The following LLCFC1 variants were observed in gnomAD, a reference collection of about 807,000 sequenced individuals.
LLCFC1 encodes sperm-oocyte fusion factor 1, also known as sperm-egg fusion protein LLCFC1.
In LLCFC1, 14 loss-of-function variants were observed where a neutral mutation model predicts 9.8. That is an observed-to-expected ratio of 1.43 (90% CI 0.95 to 2.24). LLCFC1 has a LOEUF of 2.24. Ranked by LOEUF, LLCFC1 falls within the 30% of genes most tolerant of loss-of-function variation. The pLI is 0.00. For missense variants in LLCFC1, 162 were observed against 148.0 expected (o/e 1.09, Z -0.49); for synonymous variants, 70 against 58.8 (o/e 1.19, Z -0.87).
chr7:142,940,602 T>C lies in LLCFC1; in HGVS notation c.*15T>C. On this transcript the variant is annotated 3_prime_UTR_variant, in exon 2 of 2. Coordinates refer to ENST00000409607, the MANE Select transcript of LLCFC1 (RefSeq NM_001382496.1). ...TCACTCACTGACCCTCCCTCCCTCCTGGGCTCCAGGTCACAACTCCCAAAG... is the reference window on the plus strand; with the variant it reads ...TCACTCACTGACCCTCCCTCCCTCCCGGGCTCCAGGTCACAACTCCCAAAG... The C allele has an allele frequency of 6.2e-7, 1 of 1,604,668 alleles. No individual in the cohort carries two copies. The highest frequency in any genetic ancestry group is 8.5e-7 in the Non-Finnish European group (1 of 1,171,518).
rs1796318812 is a variant in LLCFC1 at position 142,940,488 on chromosome 7, C to T, written c.270C>T (p.Leu90=). The change falls in exon 2 of 2, where the codon CTC becomes CTT. Residue 90 remains leucine, a synonymous_variant. Transcript: ENST00000409607. ...TAAVHKHSFH[L]SFCFSLASVM... is the part of the protein sequence containing the mutation. ...CTGTTCACAAGCACTCTTTCCACCTCAGCTTCTGCTTTAGTCTGGCCAGTG... is the reference window on the plus strand; with the variant it reads ...CTGTTCACAAGCACTCTTTCCACCTTAGCTTCTGCTTTAGTCTGGCCAGTG... The T allele has an allele frequency of 3.7e-6, 6 of 1,614,212 alleles. No homozygotes were observed. Among genetic ancestry groups the T allele is most frequent in the Non-Finnish European group, 5.1e-6 (6 of 1,180,042 alleles).
At chr7:142,940,286 C>T in intron 1 of LLCFC1, 66 bp from the exon 2 acceptor site, 1 of 1,343,266 alleles carries the variant, frequency 7.4e-7, no homozygotes, top group South Asian at 1.2e-5. Flanking sequence ...TTTTCCTATT[C>T]TAACTTCTCC....
Position 142,940,752 on chromosome 7 carries a change from G to A in LLCFC1, c.*165G>A. 1.6e-6 allele frequency: 1 copy of A among 644,668 alleles called. No individual in the cohort carries two copies. Among genetic ancestry groups the A allele is most frequent in the Non-Finnish European group, 2.7e-6 (1 of 370,040 alleles). The allele number at this position is 644,668 out of a possible 1,614,324, so 39.9% of individuals were successfully genotyped here. A position where few individuals can be genotyped will look rare whatever the true frequency, so the allele number is the denominator to read the frequency against. Reference sequence around the variant, plus strand: ...CCAGGTTCGGAGTTTCATCTCCCAGGGCCAGAGACAGCAGACCCACATCCT... The same window carrying A: ...CCAGGTTCGGAGTTTCATCTCCCAGAGCCAGAGACAGCAGACCCACATCCT... On this transcript the variant is annotated 3_prime_UTR_variant, in exon 2 of 2. Coordinates refer to ENST00000409607, the MANE Select transcript of LLCFC1 (RefSeq NM_001382496.1).
At chr7:142,939,803 G>A (rs539181232) in intron 1 of LLCFC1, 49 bp downstream of exon 1, 13 of 1,547,042 alleles carry the variant, frequency 8.4e-6, no homozygotes, top group Middle Eastern at 1.8e-4. Flanking sequence ...ACCCTCTTCA[G>A]GTAGGTAGAA....
rs759312138 is a variant in LLCFC1, at chr7:142,939,772, CAG to C, written c.133+19_133+20del. On this transcript the variant is annotated intron_variant, in intron 1 of 1. Transcript: ENST00000409607. ...CTCTGCAGGTAGGTGGAAAAAAAGA[CAG>C]GAGCCATACAGAGAAAACACCCTCT... 6.3e-7 allele frequency: 1 copy of C among 1,597,498 alleles called. No individual in the cohort carries two copies. Among genetic ancestry groups the C allele is most frequent in the Non-Finnish European group, 8.5e-7 (1 of 1,174,026 alleles).
chr7:142,940,321 G>A lies in LLCFC1; in HGVS notation c.134-31G>A. On this transcript the variant is annotated intron_variant, in intron 1 of 1. Coordinates refer to ENST00000409607, the MANE Select transcript of LLCFC1 (RefSeq NM_001382496.1). ...CTTTCTGGTTCAGGCCAGGGTCAGG[G>A]CTCAGTCCTTGTCCTTTTCCCCTGT... 2 of 1,576,702 alleles carry A rather than the reference G, an allele frequency of 1.3e-6. 1 individual carries two copies.
At position 142,940,695 on chromosome 7, in the gene LLCFC1, C is replaced by A; in HGVS notation, c.*108C>A. On this transcript the variant is annotated 3_prime_UTR_variant, in exon 2 of 2. Coordinates refer to ENST00000409607, the MANE Select transcript of LLCFC1 (RefSeq NM_001382496.1). The stretch of plus-strand genomic sequence containing the variant: ...ATCTCAAGGTTCAGCAGCAGAGATA[C>A]CAGTTGCCATCAGTGCTAACTGACT... 1 of 982,796 alleles carries A rather than the reference C, an allele frequency of 1.0e-6. No homozygotes were observed. Among genetic ancestry groups the A allele is most frequent in the African/African-American group, 1.6e-5 (1 of 62,612 alleles). The allele number at this position is 982,796 out of a possible 1,614,324, so 60.9% of individuals were successfully genotyped here. A position where few individuals can be genotyped will look rare whatever the true frequency, so the allele number is the denominator to read the frequency against.
At position 142,939,665 on chromosome 7, in the gene LLCFC1, T is replaced by G; in HGVS notation, c.44T>G (p.Val15Gly). 1 of 1,614,162 alleles carries G rather than the reference T, an allele frequency of 6.2e-7. No individual in the cohort carries two copies. Among genetic ancestry groups the G allele is most frequent in the Non-Finnish European group, 8.5e-7 (1 of 1,180,004 alleles). ...CAGCTCTGCAGGGCAGTGTTCCTGG[T>G]TCCTATCTTGCTGCTGCTGCAGGTG... ...APQLCRAVFLVPILLLLQVKP... is the reference protein window; with the variant it reads ...APQLCRAVFLGPILLLLQVKP... The change falls in exon 1 of 2, where the codon GTT (valine) becomes GGT (glycine). Residue 15 changes from valine to glycine, a missense_variant. Transcript: ENST00000409607.
rs754589711 is a variant in LLCFC1, at chr7:142,940,482, C to T, written c.264C>T (p.Phe88=). Residue 88 remains phenylalanine (F), a synonymous_variant, in exon 2 of 2, where the codon TTC becomes TTT. Transcript: ENST00000409607. ...SKTAAVHKHS[F]HLSFCFSLAS... ...CGGCAGCTGTTCACAAGCACTCTTT[C>T]CACCTCAGCTTCTGCTTTAGTCTGG... 1.2e-6 allele frequency: 2 copies of T among 1,614,216 alleles called. No individual in the cohort carries two copies. Among genetic ancestry groups the T allele is most frequent in the East Asian group, 2.2e-5 (1 of 44,876 alleles).
intron 1 of LLCFC1, among the ~76,000 whole-genome samples, chr7:142,940,128 TG>T (rs1796308591): frequency 1.3e-5 from 2 of 150,548 alleles, no homozygotes; most frequent in Admixed American, 1.3e-4. Flanking sequence ...TGTGTGTGTG[TG>T]TGTGTGTGTG....
chr7:142,939,780 A>T lies in LLCFC1; in HGVS notation c.133+26A>T, dbSNP rs748852233. On this transcript the variant is annotated intron_variant, in intron 1 of 1. Coordinates refer to ENST00000409607, the MANE Select transcript of LLCFC1 (RefSeq NM_001382496.1). ...GTAGGTGGAAAAAAAGACAGGAGCCATACAGAGAAAACACCCTCTTCAGGT... is the reference window on the plus strand; with the variant it reads ...GTAGGTGGAAAAAAAGACAGGAGCCTTACAGAGAAAACACCCTCTTCAGGT... The T allele has an allele frequency of 1.9e-6, 3 of 1,588,896 alleles. No homozygotes were observed. In the East Asian group the frequency reaches 6.7e-5, roughly 36 times the overall value.
rs374513218 is a variant in LLCFC1, at chr7:142,939,595, G to A, written c.-27G>A. 176 of 1,600,904 alleles carry A rather than the reference G, an allele frequency of 1.1e-4. 1 individual carries two copies. In the Admixed American group the frequency reaches 2.6e-3, roughly 24 times the overall value. On this transcript the variant is annotated 5_prime_UTR_variant, in exon 1 of 2. Coordinates refer to ENST00000409607, the MANE Select transcript of LLCFC1 (RefSeq NM_001382496.1). The stretch of plus-strand genomic sequence containing the variant: ...CTGCTGGGCACTGGGAGCAGGGGGC[G>A]GCCAAAGGCAGTGGGTGGGCAGGTC...
intron 1 of LLCFC1, 89 bp from the exon 2 acceptor site, chr7:142,940,263 G>T: frequency 9.9e-7 from 1 of 1,011,358 alleles, no homozygotes; most frequent in Non-Finnish European, 1.5e-6. Flanking sequence ...TGCAGCCCTA[G>T]GCTTCAACGT....
chr7:142,940,509 C>T lies in LLCFC1; in HGVS notation c.291C>T (p.Ala97=). The change falls in exon 2 of 2, where the codon GCC becomes GCT. Residue 97 remains alanine (A), a synonymous_variant. Transcript: ENST00000409607. ...SFHLSFCFSL[A]SVMVFSGGPL... Reference sequence around the variant, plus strand: ...ACCTCAGCTTCTGCTTTAGTCTGGCCAGTGTCATGGTTTTCTCAGGAGGGC... The same window carrying T: ...ACCTCAGCTTCTGCTTTAGTCTGGCTAGTGTCATGGTTTTCTCAGGAGGGC... 6.2e-7 allele frequency: 1 copy of T among 1,614,154 alleles called. No homozygotes were observed.
Position 142,940,723 on chromosome 7 carries a change from C to T in LLCFC1, c.*136C>T, listed in dbSNP as rs183990249. On this transcript the variant is annotated 3_prime_UTR_variant, in exon 2 of 2. Coordinates refer to ENST00000409607, the MANE Select transcript of LLCFC1 (RefSeq NM_001382496.1). Reference sequence around the variant, plus strand: ...GTTGCCATCAGTGCTAACTGACTGCCTCTCCAGGTTCGGAGTTTCATCTCC... The same window carrying T: ...GTTGCCATCAGTGCTAACTGACTGCTTCTCCAGGTTCGGAGTTTCATCTCC... The T allele has an allele frequency of 2.1e-4, 156 of 750,528 alleles. No homozygotes were observed. The East Asian group carries it at 2.8e-3, about 13-fold the overall frequency. 46.5% of individuals were successfully genotyped at this position (750,528 alleles called of 1,614,324 possible). A position where few individuals can be genotyped will look rare whatever the true frequency, so the allele number is the denominator to read the frequency against.
In LLCFC1 at chr7:142,940,441, G is replaced by A. The variant is rs1226542057; in HGVS notation, c.223G>A (p.Asp75Asn). Residue 75 changes from aspartate (D) to asparagine (N), a missense_variant, in exon 2 of 2, where the codon GAC becomes AAC. Coordinates refer to ENST00000409607, the MANE Select transcript of LLCFC1 (RefSeq NM_001382496.1). ...GGTGGACATGGCCCAGCAGGAAGAA[G>A]ACCAGTCGTCCAAGACGGCAGCTGT... ...QVVDMAQQEEDQSSKTAAVHK... is the reference protein window; with the variant it reads ...QVVDMAQQEENQSSKTAAVHK... 4 of 1,613,942 alleles carry A rather than the reference G, an allele frequency of 2.5e-6. No individual in the cohort carries two copies. The highest frequency in any genetic ancestry group is 2.2e-5 in the East Asian group (1 of 44,882).
At position 142,939,639 on chromosome 7, in the gene LLCFC1, C is replaced by T. The variant is rs774842091; in HGVS notation, c.18C>T (p.Pro6=). 6.2e-7 allele frequency: 1 copy of T among 1,613,470 alleles called. No homozygotes were observed. The highest frequency in any genetic ancestry group is 1.7e-5 in the Admixed American group (1 of 59,904). Residue 6 remains proline, a synonymous_variant, in exon 1 of 2, where the codon CCC becomes CCT. Transcript: ENST00000409607. The part of the protein sequence containing the change: MPPLA[P]QLCRAVFLVP... ...GCAGGTCCATGCCTCCCCTGGCCCC[C>T]CAGCTCTGCAGGGCAGTGTTCCTGG...
In LLCFC1 at chr7:142,940,384, G is replaced by T; in HGVS notation, c.166G>T (p.Val56Leu). 6.2e-7 allele frequency: 1 copy of T among 1,614,154 alleles called. No homozygotes were observed. The highest frequency in any genetic ancestry group is 1.1e-5 in the South Asian group (1 of 91,082). The change falls in exon 2 of 2, where the codon GTG becomes TTG. Residue 56 changes from valine (V) to leucine (L), a missense_variant. Physicochemically the swap from Val to Leu is conservative, Grantham distance 32. Coordinates refer to ENST00000409607, the MANE Select transcript of LLCFC1 (RefSeq NM_001382496.1). ...QNQEQFEEHF[V>L]ASSVGEMWQV... ...TCAAGAACAGTTCGAAGAGCACTTT[G>T]TGGCCTCCTCAGTGGGTGAGATGTG... is the stretch of plus-strand genomic sequence containing the variant.
Position 142,940,705 on chromosome 7 carries a change from T to C in LLCFC1, c.*118T>C. 1 of 899,052 alleles carries C rather than the reference T, an allele frequency of 1.1e-6. No homozygotes were observed. The highest frequency in any genetic ancestry group is 1.6e-5 in the South Asian group (1 of 63,500). The allele number at this position is 899,052 out of a possible 1,614,324, so 55.7% of individuals were successfully genotyped here. A position where few individuals can be genotyped will look rare whatever the true frequency, so the allele number is the denominator to read the frequency against. ...TCAGCAGCAGAGATACCAGTTGCCA[T>C]CAGTGCTAACTGACTGCCTCTCCAG... On this transcript the variant is annotated 3_prime_UTR_variant, in exon 2 of 2. Coordinates refer to ENST00000409607, the MANE Select transcript of LLCFC1 (RefSeq NM_001382496.1).
Sources: gnomAD v4.1 joint callset for allele counts (sites outside exome capture counted in the v4.1 genomes callset) on GRCh38, gnomAD v4.1.1 for gene constraint, MANE v1.5 for transcripts, NCBI Gene and HGNC (gene_info 2026-07-23, HGNC 2026-07-21) for gene names.